Variants in LRP1B observed in about 807,000 individuals in gnomAD.
LRP1B encodes the protein LDL receptor related protein 1B, also known as low-density lipoprotein receptor-related protein 1B.
A neutral mutation model predicts 556.6 loss-of-function variants in LRP1B; 217 were observed. The observed-to-expected ratio is 0.39, with a 90% CI of 0.35 to 0.44. The LOEUF (loss-of-function observed/expected upper bound fraction) is 0.44. LRP1B is among the 20% of genes least tolerant of loss of function. LRP1B has a pLI of 1.00. For synonymous variants in LRP1B, 2,047 were observed against 1,865.8 expected, an observed-to-expected ratio of 1.10 and a Z score of -2.50; for missense variants, 5,053 against 5,620.8, an observed-to-expected ratio of 0.90 and a Z score of 3.23.
At chr2:140,353,868 G>T (rs1005279768) in intron 75 of LRP1B, among the ~76,000 whole-genome samples, 1 of 152,016 alleles carries the variant, frequency 6.6e-6, no homozygotes, top group Non-Finnish European at 1.5e-5. Context: ...TATATATGAA[G>T]TGACTACGTA....
chr2:141,885,657 C>T (rs1256099100), intron 1 of LRP1B, among the ~76,000 whole-genome samples: 4 of 152,108 alleles, frequency 2.6e-5, no homozygotes, highest in Admixed American at 6.5e-5. Flanking sequence ...GACAGGTCTG[C>T]AACCAAGTGA....
rs368615357 is a variant in LRP1B, at chr2:141,252,883, T to G, written c.463+1639A>C. 5.9e-5 allele frequency among the ~76,000 whole-genome samples: 9 copies of G among 152,294 alleles called. No homozygotes were observed. The East Asian group carries it at 1.4e-3, about 23-fold the overall frequency. On this transcript the variant is annotated intron_variant, in intron 4 of 90. Coordinates refer to ENST00000389484, the MANE Select transcript of LRP1B (RefSeq NM_018557.3). ...GTATAGAGAAAGTACAAAGATCTCC[T>G]CTCCCACTGTGACTTCTAAAATGAT...
chr2:141,520,944 A>AC (rs559456650), intron 2 of LRP1B, among the ~76,000 whole-genome samples: 34 of 151,396 alleles, frequency 2.2e-4, no homozygotes, highest in African/African-American at 7.8e-4. Flanking sequence ...TTTTCTCCTT[A>AC]CTTTTTTTGG....
At chr2:140,551,460 C>A (rs866594033) in intron 43 of LRP1B, among the ~76,000 whole-genome samples, 12 of 152,142 alleles carry the variant, frequency 7.9e-5, no homozygotes, top group Middle Eastern at 3.4e-3. Context: ...TATGACTCTC[C>A]CTCAGACATC....
chr2:141,537,794 T>C (rs1304597963), intron 2 of LRP1B, among the ~76,000 whole-genome samples: 1 of 152,114 alleles, frequency 6.6e-6, no homozygotes, highest in Admixed American at 6.6e-5. Context: ...TATGGAAATA[T>C]TCCAGGACCT....
chr2:142,043,431 A>T (rs187025542), intron 1 of LRP1B, among the ~76,000 whole-genome samples: 1 of 151,606 alleles, frequency 6.6e-6, no homozygotes, highest in Non-Finnish European at 1.5e-5. Context: ...GTGACATTTC[A>T]TTTTACACAG....
intron 6 of LRP1B, among the ~76,000 whole-genome samples, chr2:141,222,077 C>T (rs1683069744): frequency 6.6e-6 from 1 of 152,008 alleles, no homozygotes; most frequent in Non-Finnish European, 1.5e-5. Flanking sequence ...TAACCCAGAT[C>T]AGAGTGGAAC....
intron 60 of LRP1B, among the ~76,000 whole-genome samples, chr2:140,461,514 C>T (rs564779513): frequency 1.8e-3 from 273 of 152,030 alleles, no homozygotes; most frequent in African/African-American, 6.3e-3. Flanking sequence ...TACTTTATGC[C>T]CAGCAATCAC....
chr2:142,035,935 A>T (rs1235104664), intron 1 of LRP1B, among the ~76,000 whole-genome samples: 1 of 151,624 alleles, frequency 6.6e-6, no homozygotes, highest in African/African-American at 2.4e-5. Flanking sequence ...ATGAGATCTG[A>T]TGGGTTTATT....
intron 1 of LRP1B, among the ~76,000 whole-genome samples, chr2:141,989,362 A>T (rs72852586): frequency 0.22 from 32,814 of 152,010 alleles, 4,173 homozygotes; most frequent in East Asian, 0.32. Context: ...TATCAGAGAA[A>T]AAAAGAAAGT....
intron 62 of LRP1B, among the ~76,000 whole-genome samples, chr2:140,451,748 A>G (rs989516025): frequency 6.6e-6 from 1 of 151,628 alleles, no homozygotes; most frequent in Non-Finnish European, 1.5e-5. Context: ...TTTTTTAAAA[A>G]GAGGTAAAAA....
chr2:141,113,000 T>C (rs1700793230), intron 7 of LRP1B, among the ~76,000 whole-genome samples: 1 of 152,212 alleles, frequency 6.6e-6, no homozygotes, highest in Non-Finnish European at 1.5e-5. Context: ...AAATTGATAA[T>C]ATGCATATTA....
chr2:140,847,051 G>T (rs773782597), intron 29 of LRP1B, among the ~76,000 whole-genome samples: 1 of 152,120 alleles, frequency 6.6e-6, no homozygotes, highest in Non-Finnish European at 1.5e-5. Flanking sequence ...TGATTGTTAA[G>T]TTCCTTTATG....
Position 141,810,309 on chromosome 2 carries a change from G to A in LRP1B, c.175C>T (p.Pro59Ser), listed in dbSNP as rs2105707326. The A allele has an allele frequency of 1.2e-6, 2 of 1,613,134 alleles. No individual in the cohort carries two copies. The highest frequency in any genetic ancestry group is 1.7e-6 in the Non-Finnish European group (2 of 1,179,476). ...TCTAAAGACTCGTCTGAATCATCAG[G>A]GCAGTCAGGGTCCCCATCACACAGC... Reference protein sequence around the residue: ...SWLCDGDPDCPDDSDESLDTC... With the variant: ...SWLCDGDPDCSDDSDESLDTC... Residue 59 changes from proline (P) to serine (S), a missense_variant, in exon 2 of 91, where the codon CCT (proline) becomes TCT (serine). Physicochemically the swap from Pro to Ser is moderately conservative, Grantham distance 74. Transcript: ENST00000389484.
intron 7 of LRP1B, among the ~76,000 whole-genome samples, chr2:141,125,604 C>T (rs927575199): frequency 6.6e-6 from 1 of 152,092 alleles, no homozygotes; most frequent in Admixed American, 6.6e-5. Flanking sequence ...ACAGTGAAGG[C>T]ACACACTATC....
intron 66 of LRP1B, among the ~76,000 whole-genome samples, chr2:140,427,104 G>A (rs960102594): frequency 5.3e-5 from 8 of 151,912 alleles, no homozygotes; most frequent in African/African-American, 1.5e-4. Flanking sequence ...CATTTTATCC[G>A]TGGACCCAAA....
chr2:140,293,513 G>A (rs1210752370), intron 84 of LRP1B, among the ~76,000 whole-genome samples: 2 of 152,102 alleles, frequency 1.3e-5, no homozygotes, highest in Admixed American at 6.6e-5. Context: ...GTTATGAAAT[G>A]TTTTTACTCA....
chr2:141,598,147 C>A (rs1324880210), intron 2 of LRP1B, among the ~76,000 whole-genome samples: 1 of 151,740 alleles, frequency 6.6e-6, no homozygotes, highest in Non-Finnish European at 1.5e-5. Flanking sequence ...TAGAACCTAA[C>A]TCTGGATGAG....
At chr2:142,067,159 A>T (rs1705137076) in intron 1 of LRP1B, among the ~76,000 whole-genome samples, 1 of 151,422 alleles carries the variant, frequency 6.6e-6, no homozygotes, top group South Asian at 2.1e-4. Context: ...TTTAAAGGAC[A>T]TTTTTTATTA....
Sources: allele counts gnomAD v4.1 joint callset (sites outside exome capture counted in the v4.1 genomes callset), GRCh38; gene constraint gnomAD v4.1.1; transcripts MANE v1.5; gene names NCBI Gene and HGNC (gene_info 2026-07-23, HGNC 2026-07-21).